GPC6: variants seen among roughly 807,000 people sequenced by gnomAD.
GPC6 encodes glypican 6, also known as glypican-6.
In GPC6, 14 loss-of-function variants were observed where a neutral mutation model predicts 55.2. The observed-to-expected ratio is 0.25, with a 90% CI of 0.17 to 0.40. The LOEUF (loss-of-function observed/expected upper bound fraction) is 0.40. GPC6 is among the 10% of genes least tolerant of loss of function. The pLI is 1.00. For synonymous variants in GPC6, 278 were observed against 259.6 expected, an observed-to-expected ratio of 1.07 and a Z score of -0.68; for missense variants, 641 against 708.5, an observed-to-expected ratio of 0.90 and a Z score of 1.08.
intron 4 of GPC6, among the ~76,000 whole-genome samples, chr13:94,046,346 A>G (rs1033772459): frequency 6.6e-6 from 1 of 152,060 alleles, no homozygotes; most frequent in African/African-American, 2.4e-5. Flanking sequence ...TTTGCAGAAT[A>G]TACTCTGAAG....
chr13:94,002,051 C>T (rs1306874177), intron 3 of GPC6, among the ~76,000 whole-genome samples: 1 of 151,828 alleles, frequency 6.6e-6, no homozygotes, highest in African/African-American at 2.4e-5. Flanking sequence ...GATAGGGGCC[C>T]TATCTTATTG....
At chr13:94,308,830 A>G (rs1876089741) in intron 6 of GPC6, among the ~76,000 whole-genome samples, 1 of 152,240 alleles carries the variant, frequency 6.6e-6, no homozygotes, top group Non-Finnish European at 1.5e-5. Context: ...GACACGAGTT[A>G]GGTCCAAAGC....
chr13:94,316,061 C>A (rs1320162650), intron 6 of GPC6, among the ~76,000 whole-genome samples: 1 of 152,186 alleles, frequency 6.6e-6, no homozygotes. Context: ...GACACCCCCA[C>A]TTTAGAGGAT....
chr13:93,467,990 T>C (rs1156970266), intron 1 of GPC6, among the ~76,000 whole-genome samples: 1 of 152,124 alleles, frequency 6.6e-6, no homozygotes, highest in Non-Finnish European at 1.5e-5. Context: ...CTGAAAACTC[T>C]TGGGTAGAGT....
chr13:94,164,294 A>G (rs1888271767), intron 4 of GPC6, among the ~76,000 whole-genome samples: 1 of 152,226 alleles, frequency 6.6e-6, no homozygotes, highest in African/African-American at 2.4e-5. Context: ...TAGTTTGCAC[A>G]TTACTTCCAG....
chr13:94,185,869 G>A lies in GPC6; in HGVS notation c.878-100480G>A, dbSNP rs1047481729. 2.6e-5 allele frequency among the ~76,000 whole-genome samples: 4 copies of A among 151,944 alleles called. 1 individual carries two copies. The South Asian group carries it at 8.3e-4, about 32-fold the overall frequency. Reference sequence around the variant, plus strand: ...AGGTCAGGAGATCAAGACCATCCTGGCTAACACGGTGAAACCCTGTCTCTA... The same window carrying A: ...AGGTCAGGAGATCAAGACCATCCTGACTAACACGGTGAAACCCTGTCTCTA... On this transcript the variant is annotated intron_variant, in intron 4 of 8. Coordinates refer to ENST00000377047, the MANE Select transcript of GPC6 (RefSeq NM_005708.5).
chr13:94,130,764 TAGAGA>T (rs1336929666), intron 4 of GPC6, among the ~76,000 whole-genome samples: 1 of 151,858 alleles, frequency 6.6e-6, no homozygotes, highest in Non-Finnish European at 1.5e-5. Flanking sequence ...CTCATAGGAG[TAGAGA>T]AAAGTTTTAA....
intron 4 of GPC6, among the ~76,000 whole-genome samples, chr13:94,034,102 T>G (rs1883239257): frequency 6.6e-6 from 1 of 152,076 alleles, no homozygotes. Flanking sequence ...GACTCAATAT[T>G]TCTCATTTCT....
intron 1 of GPC6, among the ~76,000 whole-genome samples, chr13:93,337,257 G>A (rs556523136): frequency 7.0e-4 from 107 of 152,290 alleles, no homozygotes; most frequent in African/African-American, 2.4e-3. Flanking sequence ...AGCCATGAGT[G>A]TATTATAGAG....
At chr13:94,159,112 T>C (rs562462752) in intron 4 of GPC6, among the ~76,000 whole-genome samples, 57 of 152,162 alleles carry the variant, frequency 3.7e-4, no homozygotes, top group Admixed American at 7.2e-4. Context: ...AGAAACAAAT[T>C]ATAAGTGTCT....
intron 3 of GPC6, among the ~76,000 whole-genome samples, chr13:93,912,493 C>T (rs1461567545): frequency 1.3e-5 from 2 of 152,238 alleles, no homozygotes; most frequent in Non-Finnish European, 2.9e-5. Flanking sequence ...CCTGTAATCC[C>T]AGCAATTTGG....
intron 1 of GPC6, chr13:93,395,233 AC>A: frequency 2.5e-6 from 1 of 407,682 alleles, no homozygotes; most frequent in African/African-American, 2.1e-5. Context: ...TGTCATTCCC[AC>A]CAGAACCACT....
chr13:94,287,368 T>C (rs1252052658), intron 5 of GPC6, among the ~76,000 whole-genome samples: 1 of 152,222 alleles, frequency 6.6e-6, no homozygotes, highest in South Asian at 2.1e-4. Flanking sequence ...TAGCTTTCTT[T>C]AATTTTTAAA....
At chr13:93,798,546 G>A (rs937755923) in intron 2 of GPC6, among the ~76,000 whole-genome samples, 7 of 152,088 alleles carry the variant, frequency 4.6e-5, no homozygotes, top group African/African-American at 1.4e-4. Context: ...TGAATTCTCC[G>A]CTACAGACAT....
chr13:93,849,519 G>A (rs1425547517), intron 3 of GPC6, among the ~76,000 whole-genome samples: 1 of 152,108 alleles, frequency 6.6e-6, no homozygotes, highest in Non-Finnish European at 1.5e-5. Flanking sequence ...TCACCTAGAT[G>A]CAGTTGCAGC....
At chr13:93,876,065 C>A (rs1366136545) in intron 3 of GPC6, among the ~76,000 whole-genome samples, 1 of 151,936 alleles carries the variant, frequency 6.6e-6, no homozygotes, top group Non-Finnish European at 1.5e-5. Flanking sequence ...CTTACAGGGA[C>A]CTTAGAAATC....
intron 4 of GPC6, among the ~76,000 whole-genome samples, chr13:94,029,299 C>A (rs941797576): frequency 2.6e-5 from 4 of 152,150 alleles, no homozygotes; most frequent in African/African-American, 9.7e-5. Context: ...AGGACAAAAT[C>A]TCTTTGTATG....
chr13:93,935,506 G>A (rs759000403), intron 3 of GPC6, among the ~76,000 whole-genome samples: 59 of 152,136 alleles, frequency 3.9e-4, no homozygotes, highest in Non-Finnish European at 4.4e-4. Flanking sequence ...AATCATGATG[G>A]TCACTTAGGT....
intron 3 of GPC6, among the ~76,000 whole-genome samples, chr13:93,863,436 T>C (rs1888872874): frequency 1.3e-5 from 2 of 151,730 alleles, no homozygotes. Context: ...TCATTTCTCT[T>C]AGTAATTTGT....
Sources: allele counts gnomAD v4.1 joint callset (sites outside exome capture counted in the v4.1 genomes callset), GRCh38; gene constraint gnomAD v4.1.1; transcripts MANE v1.5; gene names NCBI Gene and HGNC (gene_info 2026-07-23, HGNC 2026-07-21).